The following CNTN5 variants were observed in gnomAD, a reference collection of about 807,000 sequenced individuals.
CNTN5 encodes the protein contactin 5.
In CNTN5, 77 loss-of-function variants were observed where a neutral mutation model predicts 129.1. That is an observed-to-expected ratio of 0.60 (90% CI 0.50 to 0.72). The LOEUF (loss-of-function observed/expected upper bound fraction) is 0.72, where lower values mean the gene tolerates loss of function less well. Among genes scored for constraint, CNTN5 ranks in the 30% least tolerant of loss-of-function variants. The pLI is 0.00. For synonymous variants in CNTN5, 509 were observed against 465.6 expected (o/e 1.09, Z -1.20); for missense variants, 1,478 against 1,328.8 (o/e 1.11, Z -1.75).
chr11:99,272,939 C>T (rs1863243348), intron 1 of CNTN5, among the ~76,000 whole-genome samples: 1 of 151,622 alleles, frequency 6.6e-6, no homozygotes, highest in African/African-American at 2.4e-5. Flanking sequence ...GTATTCAAAT[C>T]GAATTAAGAA....
At chr11:99,545,079 A>C (rs896796370) in intron 2 of CNTN5, among the ~76,000 whole-genome samples, 1 of 152,206 alleles carries the variant, frequency 6.6e-6, no homozygotes, top group African/African-American at 2.4e-5. Flanking sequence ...ATTTTTACAG[A>C]ATACGTTCCC....
intron 16 of CNTN5, among the ~76,000 whole-genome samples, chr11:100,250,602 T>A (rs1027092694): frequency 6.6e-6 from 1 of 152,128 alleles, no homozygotes; most frequent in Non-Finnish European, 1.5e-5. Context: ...TTATAAATAA[T>A]TACACAGCCA....
rs78825079 is a variant in CNTN5, at chr11:99,934,440, C to A, written c.673+18291C>A. Among the ~76,000 whole-genome samples the A allele has an allele frequency of 6.2e-3, 938 of 152,214 alleles. 11 individuals carry two copies. Among genetic ancestry groups the A allele is most frequent in the African/African-American group, 0.02 (835 of 41,522 alleles). On this transcript the variant is annotated intron_variant, in intron 7 of 24. Transcript: ENST00000524871. ...AATCTCAATTTATATTGGAGGTCCA[C>A]GTGCACGTGATAAAAGCAATCAATA... is the stretch of plus-strand genomic sequence containing the variant.
chr11:99,542,510 G>A (rs1284453249), intron 2 of CNTN5, among the ~76,000 whole-genome samples: 1 of 152,046 alleles, frequency 6.6e-6, no homozygotes, highest in Non-Finnish European at 1.5e-5. Context: ...AATAATTGTG[G>A]GTTTTGCCAT....
intron 17 of CNTN5, among the ~76,000 whole-genome samples, chr11:100,270,412 T>C (rs561309944): frequency 1.3e-3 from 191 of 152,296 alleles, no homozygotes; most frequent in African/African-American, 4.3e-3. Flanking sequence ...CATTCTGCCT[T>C]TTCACTCCTG....
chr11:100,241,819 A>G (rs1425157869), intron 16 of CNTN5, among the ~76,000 whole-genome samples: 1 of 152,238 alleles, frequency 6.6e-6, no homozygotes, highest in Non-Finnish European at 1.5e-5. Flanking sequence ...TATCACTGTC[A>G]TTGAAACCAT....
chr11:100,065,731 A>C (rs751887367), intron 10 of CNTN5, among the ~76,000 whole-genome samples: 3 of 152,086 alleles, frequency 2.0e-5, no homozygotes, highest in Non-Finnish European at 4.4e-5. Context: ...GAACTAAGGC[A>C]TGAGATGAGA....
intron 3 of CNTN5, among the ~76,000 whole-genome samples, chr11:99,672,596 A>G (rs544446150): frequency 6.6e-6 from 1 of 151,052 alleles, no homozygotes. Flanking sequence ...CATTTCTATT[A>G]GGAACTGAGA....
At chr11:99,757,249 G>T (rs938537408) in intron 3 of CNTN5, among the ~76,000 whole-genome samples, 1 of 151,896 alleles carries the variant, frequency 6.6e-6, no homozygotes, top group African/African-American at 2.4e-5. Context: ...TTTCTGTGTG[G>T]CTCTGTTTCT....
intron 18 of CNTN5, among the ~76,000 whole-genome samples, chr11:100,297,269 C>G (rs193174147): frequency 6.6e-6 from 1 of 151,154 alleles, no homozygotes. Context: ...CTGCAAGCCC[C>G]GGGATAACAA....
chr11:99,473,739 CAGAT>C (rs1291245981), intron 2 of CNTN5, among the ~76,000 whole-genome samples: 6 of 151,916 alleles, frequency 3.9e-5, no homozygotes, highest in Non-Finnish European at 8.8e-5. Context: ...CTCTAATTCA[CAGAT>C]AGTTTCTTAG....
At chr11:99,728,208 G>A (rs1392821241) in intron 3 of CNTN5, among the ~76,000 whole-genome samples, 1 of 152,106 alleles carries the variant, frequency 6.6e-6, no homozygotes. Context: ...ATACATGAGA[G>A]AGAGAGAGGG....
chr11:99,848,724 T>G, intron 6 of CNTN5, among the ~76,000 whole-genome samples: 1 of 152,336 alleles, frequency 6.6e-6, no homozygotes, highest in South Asian at 2.1e-4. Flanking sequence ...CCTTTTACAC[T>G]TTAATTTTAT....
intron 15 of CNTN5, among the ~76,000 whole-genome samples, chr11:100,219,827 C>T (rs1380498739): frequency 6.6e-6 from 1 of 152,120 alleles, no homozygotes; most frequent in Non-Finnish European, 1.5e-5. Context: ...CTTCTGATAA[C>T]ATGTTCAGTT....
intron 3 of CNTN5, among the ~76,000 whole-genome samples, chr11:99,662,475 C>G (rs926969960): frequency 6.6e-5 from 10 of 152,092 alleles, no homozygotes; most frequent in African/African-American, 2.4e-4. Context: ...ACATTTAAAA[C>G]GTAACAATGG....
At chr11:100,280,191 G>A (rs931394572) in intron 18 of CNTN5, among the ~76,000 whole-genome samples, 3 of 151,736 alleles carry the variant, frequency 2.0e-5, no homozygotes, top group Admixed American at 6.6e-5. Flanking sequence ...ATATTAGGTC[G>A]ATTTGGTCCA....
intron 1 of CNTN5, among the ~76,000 whole-genome samples, chr11:99,214,058 G>T (rs1335500618): frequency 2.0e-5 from 3 of 152,098 alleles, no homozygotes; most frequent in Non-Finnish European, 4.4e-5. Context: ...AGAGGCATGG[G>T]CAATGAAACA....
At chr11:99,231,217 A>C (rs1456126294) in intron 1 of CNTN5, among the ~76,000 whole-genome samples, 1 of 152,196 alleles carries the variant, frequency 6.6e-6, no homozygotes, top group Non-Finnish European at 1.5e-5. Context: ...TAGGTCTTTG[A>C]GGAATTGTCA....
chr11:100,148,831 T>G, intron 13 of CNTN5, among the ~76,000 whole-genome samples: 1 of 150,568 alleles, frequency 6.6e-6, no homozygotes, highest in Non-Finnish European at 1.5e-5. Flanking sequence ...GTGTAAATAT[T>G]TATTTGATTG....
Sources: gnomAD v4.1 joint callset for allele counts (sites outside exome capture counted in the v4.1 genomes callset) on GRCh38, gnomAD v4.1.1 for gene constraint, MANE v1.5 for transcripts, NCBI Gene and HGNC (gene_info 2026-07-23, HGNC 2026-07-21) for gene names.